Variants in GTF3C3 observed in about 807,000 individuals in gnomAD.
GTF3C3 encodes the protein general transcription factor IIIC subunit 3.
GTF3C3 carries 75 observed loss-of-function variants against 105.2 expected under a neutral mutation model. That is an observed-to-expected ratio of 0.71 (90% CI 0.59 to 0.86). The LOEUF (loss-of-function observed/expected upper bound fraction) is 0.86, where lower values mean the gene tolerates loss of function less well. Ranked by LOEUF, GTF3C3 falls within the 40% of genes least tolerant of loss-of-function variation. The probability of loss-of-function intolerance (pLI) is 0.00; values close to 1 mark genes in which losing one functional copy is unlikely to be tolerated. For synonymous variants in GTF3C3, 335 were observed against 370.4 expected (o/e 0.90, Z 1.10); for missense variants, 856 against 1,076.5 (o/e 0.80, Z 2.87).
chr2:196,773,111 C>T lies in GTF3C3; in HGVS notation c.1874G>A (p.Trp625Ter), dbSNP rs776724218. The T allele has an allele frequency of 5.0e-6, 8 of 1,612,230 alleles. No individual in the cohort carries two copies. Among genetic ancestry groups the T allele is most frequent in the Non-Finnish European group, 6.8e-6 (8 of 1,179,216 alleles). The part of the protein sequence containing the change: ...VLTSVLTKDD[W>*]WNLLLKAIYS... ...TATGGCCTTCAACAGAAGATTCCAC[C>T]AGTCATCCTTTGTCAAGACGCTTGT... The change falls in exon 14 of 18, where the codon TGG (tryptophan) becomes TAG (stop). Residue 625 changes from tryptophan to a stop codon, truncating the protein, a stop_gained. Transcript: ENST00000263956. LOFTEE classifies it high-confidence loss of function.
rs1170066677 is a variant in GTF3C3 at position 196,790,148 on chromosome 2, G to GT, written c.536-79dup. 3.4e-6 allele frequency: 3 copies of GT among 872,492 alleles called. No individual in the cohort carries two copies. In the African/African-American group the frequency reaches 5.2e-5, roughly 15 times the overall value. The allele number at this position is 872,492 out of a possible 1,614,324, so 54.0% of individuals were successfully genotyped here. Reference sequence around the variant, plus strand: ...TGATGTCCATCCCATGGTTCAAACTGTATGTCTTTTTTTTAAATACCTAAA... The same window carrying GT: ...TGATGTCCATCCCATGGTTCAAACTGTTATGTCTTTTTTTTAAATACCTAAA... On this transcript the variant is annotated intron_variant, in intron 4 of 17. Coordinates refer to ENST00000263956, the MANE Select transcript of GTF3C3 (RefSeq NM_012086.5).
chr2:196,785,588 C>A lies in GTF3C3; in HGVS notation c.894G>T (p.Lys298Asn). The change falls in exon 7 of 18, where the codon AAG becomes AAT. Residue 298 changes from lysine to asparagine, a missense_variant and splice_region_variant. Coordinates refer to ENST00000263956, the MANE Select transcript of GTF3C3 (RefSeq NM_012086.5). ...RFMQLARDMA[K>N]SYYEANDVTS... ...TAACATCATTGGCTTCATAGTAACT[C>A]CTAAAAAAAAGTGGCAAAATGGATG... 1 of 1,593,160 alleles carries A rather than the reference C, an allele frequency of 6.3e-7. No individual in the cohort carries two copies. The highest frequency in any genetic ancestry group is 8.6e-7 in the Non-Finnish European group (1 of 1,166,964).
At chr2:196,773,511 C>CT (rs913010553) in intron 13 of GTF3C3, among the ~76,000 whole-genome samples, 2 of 152,170 alleles carry the variant, frequency 1.3e-5, no homozygotes, top group Non-Finnish European at 2.9e-5. Flanking sequence ...AGTCCCCAAC[C>CT]TTTTTGGCAC....
chr2:196,779,107 C>T (rs1305610580), intron 9 of GTF3C3, 40 bp from the exon 10 acceptor site: 2 of 1,375,292 alleles, frequency 1.5e-6, no homozygotes, highest in South Asian at 1.2e-5. Flanking sequence ...ACATTCATTA[C>T]AAACGTGCAC....
At chr2:196,795,032 TTTTTG>T (rs1044408221) in intron 2 of GTF3C3, among the ~76,000 whole-genome samples, 8 of 148,644 alleles carry the variant, frequency 5.4e-5, no homozygotes, top group Middle Eastern at 3.5e-3. Flanking sequence ...CCCAGCATTT[TTTTTG>T]TTTTGTTTTG....
Position 196,797,821 on chromosome 2 carries a change from A to G in GTF3C3, c.190T>C (p.Ser64Pro), listed in dbSNP as rs956540809. 5 of 1,599,356 alleles carry G rather than the reference A, an allele frequency of 3.1e-6. No individual in the cohort carries two copies. The Admixed American group carries it at 8.3e-5, about 27-fold the overall frequency. The part of the protein sequence containing the change: ...PSSSGINSTK[S>P]QDKDVNEGET... Reference sequence around the variant, plus strand: ...CCTTCATTGACATCTTTGTCTTGGGATTTGGTAGAGTTAATTCCTGATGAT... The same window carrying G: ...CCTTCATTGACATCTTTGTCTTGGGGTTTGGTAGAGTTAATTCCTGATGAT... The change falls in exon 2 of 18, where the codon TCC (serine) becomes CCC (proline). Residue 64 changes from serine (S) to proline (P), a missense_variant. By Grantham distance (74) the Ser-to-Pro change is moderately conservative. This residue lies in a region of GTF3C3 where 117 missense variants were observed against 114.0 expected (regional missense o/e 1.03). Transcript: ENST00000263956.
rs779328729 is a variant in GTF3C3, at chr2:196,789,853, T to C, written c.727+26A>G. 8 of 1,207,612 alleles carry C rather than the reference T, an allele frequency of 6.6e-6. No homozygotes were observed. In the South Asian group the frequency reaches 1.0e-4, roughly 15 times the overall value. The allele number at this position is 1,207,612 out of a possible 1,614,324, so 74.8% of individuals were successfully genotyped here. A position where few individuals can be genotyped will look rare whatever the true frequency, so the allele number is the denominator to read the frequency against. ...CCTATTATGTAACAGCTTGTAAAAG[T>C]GAAAAAAAAAAAAAATTTTAATTAC... On this transcript the variant is annotated intron_variant, in intron 5 of 17. Coordinates refer to ENST00000263956, the MANE Select transcript of GTF3C3 (RefSeq NM_012086.5).
Position 196,764,501 on chromosome 2 carries a change from G to A in GTF3C3, c.*62C>T. 7 of 1,472,190 alleles carry A rather than the reference G, an allele frequency of 4.8e-6. No individual in the cohort carries two copies. The highest frequency in any genetic ancestry group is 6.4e-6 in the Non-Finnish European group (7 of 1,088,112). 91.2% of individuals were successfully genotyped at this position (1,472,190 alleles called of 1,614,324 possible). ...TTTGGAGTTACAAATAATAAGCCCT[G>A]AGACAGAAGACACTGGTCCTCACAC... On this transcript the variant is annotated 3_prime_UTR_variant, in exon 18 of 18. Transcript: ENST00000263956.
intron 4 of GTF3C3, 49 bp downstream of exon 4, chr2:196,791,286 TAA>T (rs752025153): frequency 2.5e-6 from 4 of 1,592,970 alleles, no homozygotes; most frequent in Middle Eastern, 3.3e-4. Context: ...CCATTTGTTT[TAA>T]GTCAGACTAT....
At position 196,793,016 on chromosome 2, in the gene GTF3C3, A is replaced by G. The variant is rs1029726085; in HGVS notation, c.351T>C (p.Thr117=). 3 of 1,613,828 alleles carry G rather than the reference A, an allele frequency of 1.9e-6. No homozygotes were observed. The African/African-American group carries it at 4.0e-5, about 22-fold the overall frequency. ...TCTCCAATACAAATACATCGCCCGCAGTGGGTTGCTCAGGTGTTTCTTCCT... is the reference window on the plus strand; with the variant it reads ...TCTCCAATACAAATACATCGCCCGCGGTGGGTTGCTCAGGTGTTTCTTCCT... The part of the protein sequence containing the change: ...EEEEETPEQP[T]AGDVFVLEMV... The change falls in exon 3 of 18, where the codon ACT becomes ACC. Residue 117 remains threonine, a synonymous_variant. Coordinates refer to ENST00000263956, the MANE Select transcript of GTF3C3 (RefSeq NM_012086.5).
intron 3 of GTF3C3, chr2:196,791,759 A>G (rs978885333): frequency 7.8e-6 from 2 of 257,560 alleles, no homozygotes; most frequent in Non-Finnish European, 1.5e-5. Flanking sequence ...AACAGAGTGA[A>G]ACCCGTCTAT....
In GTF3C3 at chr2:196,781,314, A is replaced by G. The variant is rs533169666; in HGVS notation, c.1115-652T>C. 1.7e-3 allele frequency among the ~76,000 whole-genome samples: 231 copies of G among 138,468 alleles called. 2 individuals are homozygous for G. Among genetic ancestry groups the G allele is most frequent in the African/African-American group, 5.6e-3 (214 of 38,284 alleles). 90.8% of individuals were successfully genotyped at this position (138,468 alleles called of 152,430 possible). A position where few individuals can be genotyped will look rare whatever the true frequency, so the allele number is the denominator to read the frequency against. On this transcript the variant is annotated intron_variant, in intron 8 of 17. Transcript: ENST00000263956. Reference sequence around the variant, plus strand: ...TTCAGGTTCCACATATGCAGATTCAATGAACTGCAGATCAAAAATGTTAAG... The same window carrying G: ...TTCAGGTTCCACATATGCAGATTCAGTGAACTGCAGATCAAAAATGTTAAG...
At chr2:196,787,851 A>G (rs557640614) in intron 6 of GTF3C3, among the ~76,000 whole-genome samples, 24 of 152,320 alleles carry the variant, frequency 1.6e-4, no homozygotes, top group Middle Eastern at 3.4e-3. Context: ...TATATTCAAT[A>G]ATATTTCTGG....
At chr2:196,793,438 A>AGAAGAATTATAAGACATAGACC (rs1699587810) in intron 2 of GTF3C3, among the ~76,000 whole-genome samples, 1 of 152,194 alleles carries the variant, frequency 6.6e-6, no homozygotes, top group African/African-American at 2.4e-5. Flanking sequence ...GAAAAAAAAT[A>AGAAGAATTATAAGACATAGACC]GAAGAATTAT....
Position 196,775,195 on chromosome 2 carries a change from C to A in GTF3C3, c.1752G>T (p.Arg584Ser), listed in dbSNP as rs1699240380. The change falls in exon 13 of 18, where the codon AGG becomes AGT. Residue 584 changes from arginine to serine, a missense_variant. Arg to Ser is a moderately radical substitution (Grantham distance 110). Coordinates refer to ENST00000263956, the MANE Select transcript of GTF3C3 (RefSeq NM_012086.5). Reference protein sequence around the residue: ...CLISSSKSGERHLYLIKVSRD... With the variant: ...CLISSSKSGESHLYLIKVSRD... Reference sequence around the variant, plus strand: ...TCGATACTTTAATAAGATAAAGATGCCTCTCTCCAGACTTGGAACTGGATA... The same window carrying A: ...TCGATACTTTAATAAGATAAAGATGACTCTCTCCAGACTTGGAACTGGATA... 3 of 1,611,554 alleles carry A rather than the reference C, an allele frequency of 1.9e-6. No homozygotes were observed. In the African/African-American group the frequency reaches 4.0e-5, roughly 22 times the overall value.
At chr2:196,777,901 G>T (rs565738919) in intron 10 of GTF3C3, 3 of 152,054 alleles carry the variant, frequency 2.0e-5, no homozygotes, top group Non-Finnish European at 4.4e-5. Context: ...AAGTAGAAAG[G>T]CAATACAAAC....
In GTF3C3 at chr2:196,779,069, T is replaced by C; in HGVS notation, c.1219-2A>G. ...TTCTACTAGTGTTGTCAAGAGAGGCTAGACCACAAATAAAAGCCCCAAGTT... is the reference window on the plus strand; with the variant it reads ...TTCTACTAGTGTTGTCAAGAGAGGCCAGACCACAAATAAAAGCCCCAAGTT... On this transcript the variant is annotated splice_acceptor_variant, in intron 9 of 17. Coordinates refer to ENST00000263956, the MANE Select transcript of GTF3C3 (RefSeq NM_012086.5). LOFTEE classifies it high-confidence loss of function. 6.2e-7 allele frequency: 1 copy of C among 1,611,332 alleles called. No homozygotes were observed. The highest frequency in any genetic ancestry group is 8.5e-7 in the Non-Finnish European group (1 of 1,178,168).
intron 3 of GTF3C3, among the ~76,000 whole-genome samples, chr2:196,792,364 T>C (rs1699564613): frequency 6.6e-6 from 1 of 152,110 alleles, no homozygotes; most frequent in African/African-American, 2.4e-5. Flanking sequence ...CCTCACTATG[T>C]TGCTCAGGCT....
chr2:196,797,718 G>A lies in GTF3C3; in HGVS notation c.214+79C>T, dbSNP rs544020044. On this transcript the variant is annotated intron_variant, in intron 2 of 17. Transcript: ENST00000263956. ...ATCAACAACAGAGTATCACTGCCAT[G>A]AAAATACAATGTTTCACTAAATTAC... The A allele has an allele frequency of 2.6e-4, 219 of 853,548 alleles. No individual in the cohort carries two copies. In the African/African-American group the frequency reaches 3.2e-3, roughly 12 times the overall value. 52.9% of individuals were successfully genotyped at this position (853,548 alleles called of 1,614,324 possible).
Sources: gnomAD v4.1 joint callset for allele counts (sites outside exome capture counted in the v4.1 genomes callset) on GRCh38, gnomAD v4.1.1 for gene constraint, gnomAD v4.1.1 regional missense constraint, MANE v1.5 for transcripts, NCBI Gene and HGNC (gene_info 2026-07-23, HGNC 2026-07-21) for gene names.